The following SPATA31F3 variants were observed in gnomAD, a reference collection of about 807,000 sequenced individuals.
The protein encoded by SPATA31F3 is protein SPATA31F3.
the SPATA31F3 span, among the ~76,000 whole-genome samples, chr9:34,890,675 G>T: frequency 6.6e-6 from 1 of 152,212 alleles, no homozygotes; most frequent in East Asian, 1.9e-4. Flanking sequence ...ACTCCTAAAG[G>T]ATCCCTGTGT....
the SPATA31F3 span, among the ~76,000 whole-genome samples, chr9:34,893,530 G>A: frequency 6.6e-6 from 1 of 151,938 alleles, no homozygotes; most frequent in Admixed American, 6.5e-5. Context: ...GAACCTGGGA[G>A]ACGGAGCTTG....
chr9:34,894,273 T>C, the SPATA31F3 span, among the ~76,000 whole-genome samples: 1 of 152,060 alleles, frequency 6.6e-6, no homozygotes, highest in Non-Finnish European at 1.5e-5. Flanking sequence ...CTGAGATGTC[T>C]GGCCCAGCCC....
chr9:34,894,919 G>A, the SPATA31F3 span: 1 of 397,188 alleles, frequency 2.5e-6, no homozygotes, highest in Non-Finnish European at 4.4e-6. Flanking sequence ...GTCCCTGGGG[G>A]GTACTAGAGT....
the SPATA31F3 span, chr9:34,889,099 G>T: frequency 2.5e-6 from 1 of 398,564 alleles, no homozygotes; most frequent in Non-Finnish European, 4.4e-6. Flanking sequence ...TTTGGAGAAT[G>T]CCCTGCTTCA....
the SPATA31F3 span, chr9:34,894,334 T>C: frequency 2.5e-6 from 1 of 397,048 alleles, no homozygotes; most frequent in Middle Eastern, 6.3e-4. Flanking sequence ...ACTGTGTATG[T>C]CTCCCTCCCA....
At chr9:34,892,933 G>C in the SPATA31F3 span, 1 of 685,270 alleles carries the variant, frequency 1.5e-6, no homozygotes, top group East Asian at 2.7e-5. Context: ...TGGATTTCGG[G>C]GAGCCCAGAT....
At chr9:34,895,675 G>A in the SPATA31F3 span, 2 of 404,200 alleles carry the variant, frequency 4.9e-6, no homozygotes, top group Non-Finnish European at 8.8e-6. Context: ...ATCCATAGGT[G>A]TATAAGGGAT....
chr9:34,892,681 G>A, the SPATA31F3 span: 7 of 462,298 alleles, frequency 1.5e-5, no homozygotes, highest in Non-Finnish European at 2.3e-5. Context: ...GGACAAATTT[G>A]GAGTTGTTTT....
the SPATA31F3 span, among the ~76,000 whole-genome samples, chr9:34,892,184 T>C: frequency 2.0e-5 from 3 of 152,140 alleles, no homozygotes; most frequent in South Asian, 4.2e-4. Flanking sequence ...ACTTAGAAGC[T>C]GAAAGAGAGG....
the SPATA31F3 span, among the ~76,000 whole-genome samples, chr9:34,891,158 C>T: frequency 6.6e-6 from 1 of 152,290 alleles, no homozygotes; most frequent in Non-Finnish European, 1.5e-5. Context: ...GTAACAGCAT[C>T]TGGCAAGCCC....
chr9:34,892,039 T>C, the SPATA31F3 span, among the ~76,000 whole-genome samples: 1 of 152,108 alleles, frequency 6.6e-6, no homozygotes, highest in Non-Finnish European at 1.5e-5. Flanking sequence ...CTCCCCTGTT[T>C]TGGAGATTTC....
the SPATA31F3 span, chr9:34,889,309 T>G: frequency 2.5e-6 from 1 of 398,500 alleles, no homozygotes; most frequent in Non-Finnish European, 4.4e-6. Flanking sequence ...TTTGTAGGAG[T>G]GGCACAGGAC....
the SPATA31F3 span, chr9:34,894,343 C>A: frequency 1.0e-5 from 4 of 397,414 alleles, no homozygotes; most frequent in Non-Finnish European, 1.8e-5. Context: ...GTCTCCCTCC[C>A]ATCCATTTTC....
chr9:34,895,497 G>A, the SPATA31F3 span: 1 of 398,198 alleles, frequency 2.5e-6, no homozygotes, highest in African/African-American at 2.1e-5. Context: ...AAAAGCAAGG[G>A]CTAAGAGTAA....
the SPATA31F3 span, chr9:34,894,530 T>C: frequency 2.5e-6 from 1 of 398,608 alleles, no homozygotes; most frequent in Non-Finnish European, 4.4e-6. Flanking sequence ...GTGAGTGTTA[T>C]GTGGAACTGG....
At chr9:34,892,392 T>A in the SPATA31F3 span, among the ~76,000 whole-genome samples, 1 of 152,198 alleles carries the variant, frequency 6.6e-6, no homozygotes, top group African/African-American at 2.4e-5. Context: ...AAGAAATGGC[T>A]GTTTGTCTGT....
chr9:34,893,266 A>T, the SPATA31F3 span: 1 of 427,176 alleles, frequency 2.3e-6, no homozygotes, highest in Admixed American at 3.9e-5. Context: ...TGGAGCCTAC[A>T]CTCTCTTGTT....
chr9:34,891,012 G>A, the SPATA31F3 span, among the ~76,000 whole-genome samples: 4 of 152,186 alleles, frequency 2.6e-5, no homozygotes, highest in African/African-American at 9.7e-5. Flanking sequence ...TTGTGGATTC[G>A]TGAGTGATTG....
At chr9:34,890,711 A>C in the SPATA31F3 span, among the ~76,000 whole-genome samples, 4 of 152,120 alleles carry the variant, frequency 2.6e-5, no homozygotes, top group Admixed American at 2.6e-4. Context: ...GATGGTGAAA[A>C]TTTGTTCCCT....
Sources: allele counts gnomAD v4.1 joint callset (sites outside exome capture counted in the v4.1 genomes callset), GRCh38; gene constraint gnomAD v4.1.1; transcripts MANE v1.5; gene names NCBI Gene and HGNC (gene_info 2026-07-23, HGNC 2026-07-21).